Variants in SGIP1 observed in about 807,000 individuals in gnomAD.
The protein encoded by SGIP1 is SH3GL interacting endocytic adaptor 1.
A neutral mutation model predicts 107.5 loss-of-function variants in SGIP1; 38 were observed. The ratio of observed to expected loss-of-function variants is 0.35; its 90% CI spans 0.27 to 0.46. SGIP1 has a LOEUF of 0.46. SGIP1 is among the 20% of genes least tolerant of loss of function. SGIP1 has a pLI of 1.00. For synonymous variants in SGIP1, 365 were observed against 366.1 expected, an observed-to-expected ratio of 1.00 and a Z score of 0.03; for missense variants, 929 against 1,019.5, an observed-to-expected ratio of 0.91 and a Z score of 1.21.
chr1:66,709,593 C>A (rs2092771934), intron 18 of SGIP1, among the ~76,000 whole-genome samples: 1 of 152,142 alleles, frequency 6.6e-6, no homozygotes, highest in African/African-American at 2.4e-5. Flanking sequence ...AGCAAGTACT[C>A]AATAATATTG....
intron 18 of SGIP1, among the ~76,000 whole-genome samples, chr1:66,708,712 CT>C (rs2092698241): frequency 6.6e-6 from 1 of 152,000 alleles, no homozygotes; most frequent in African/African-American, 2.4e-5. Flanking sequence ...AAGAAAAATT[CT>C]CTACAAAACA....
At chr1:66,550,483 A>T (rs906441722) in intron 1 of SGIP1, among the ~76,000 whole-genome samples, 11 of 152,122 alleles carry the variant, frequency 7.2e-5, no homozygotes, top group Non-Finnish European at 1.0e-4. Flanking sequence ...AGATCTCTGG[A>T]TATTGCATAA....
chr1:66,600,615 G>A (rs547625553), intron 1 of SGIP1, among the ~76,000 whole-genome samples: 1 of 152,290 alleles, frequency 6.6e-6, no homozygotes, highest in East Asian at 1.9e-4. Flanking sequence ...TCAGAAACGA[G>A]AGGCTGAAAC....
rs2061176979 is a variant in SGIP1 at position 66,577,128 on chromosome 1, G to A, written c.10+42760G>A. On this transcript the variant is annotated intron_variant, in intron 1 of 24. Transcript: ENST00000371037. ...GTATTTTGCCCCAGATGAAGTGCAGGTTGCTACTGAGACCATCCTTCTCTT... is the reference window on the plus strand; with the variant it reads ...GTATTTTGCCCCAGATGAAGTGCAGATTGCTACTGAGACCATCCTTCTCTT... Among the ~76,000 whole-genome samples the A allele has an allele frequency of 2.6e-5, 4 of 152,186 alleles. No individual in the cohort carries two copies. The South Asian group carries it at 6.2e-4, about 24-fold the overall frequency.
At chr1:66,646,637 G>A (rs1045032897) in intron 7 of SGIP1, among the ~76,000 whole-genome samples, 7 of 152,082 alleles carry the variant, frequency 4.6e-5, no homozygotes, top group African/African-American at 1.7e-4. Flanking sequence ...TCAAATTAAC[G>A]AATGAAATGA....
chr1:66,589,647 T>C (rs1160377455), intron 1 of SGIP1, among the ~76,000 whole-genome samples: 2 of 152,180 alleles, frequency 1.3e-5, no homozygotes, highest in Non-Finnish European at 2.9e-5. Flanking sequence ...TGTTTGTATG[T>C]AATTACCCCC....
intron 1 of SGIP1, among the ~76,000 whole-genome samples, chr1:66,602,878 T>C (rs2149045206): frequency 6.6e-6 from 1 of 152,298 alleles, no homozygotes; most frequent in African/African-American, 2.4e-5. Context: ...AGGAAGAATA[T>C]TTTACATAAA....
intron 8 of SGIP1, among the ~76,000 whole-genome samples, chr1:66,661,498 C>T (rs1046174626): frequency 2.6e-5 from 4 of 152,252 alleles, no homozygotes; most frequent in African/African-American, 7.2e-5. Context: ...AAATATGAGA[C>T]CAAAACATTA....
chr1:66,628,470 A>G (rs1051781006), intron 2 of SGIP1: 7 of 154,936 alleles, frequency 4.5e-5, no homozygotes, highest in Non-Finnish European at 7.3e-5. Flanking sequence ...TACGAGTCAT[A>G]TAAGGGAAGG....
chr1:66,543,865 C>A (rs904550337), intron 1 of SGIP1, among the ~76,000 whole-genome samples: 5 of 152,184 alleles, frequency 3.3e-5, no homozygotes, highest in African/African-American at 1.2e-4. Flanking sequence ...AAATATACAT[C>A]TGAGAGAGTG....
At chr1:66,685,883 G>T (rs954219160) in intron 15 of SGIP1, among the ~76,000 whole-genome samples, 1 of 152,128 alleles carries the variant, frequency 6.6e-6, no homozygotes, top group Admixed American at 6.5e-5. Flanking sequence ...TAATGTTTCA[G>T]GGCTTTTAAT....
intron 1 of SGIP1, 147 bp downstream of exon 1, chr1:66,534,515 T>C: frequency 1.1e-6 from 1 of 889,604 alleles, no homozygotes; most frequent in Non-Finnish European, 1.8e-6. Flanking sequence ...TTGCTTGCAG[T>C]GGATCTGGGC....
intron 7 of SGIP1, among the ~76,000 whole-genome samples, chr1:66,647,581 T>G (rs565418340): frequency 2.6e-5 from 4 of 152,364 alleles, no homozygotes; most frequent in African/African-American, 9.6e-5. Flanking sequence ...TAATCTCAGA[T>G]TATTTCAGAG....
chr1:66,744,929 T>C lies in SGIP1; in HGVS notation c.*1834T>C, dbSNP rs1417041346. The C allele has an allele frequency of 6.6e-6, 1 of 152,314 alleles. No individual in the cohort carries two copies. The highest frequency in any genetic ancestry group is 2.4e-5 in the African/African-American group (1 of 41,394). 9.4% of individuals were successfully genotyped at this position (152,314 alleles called of 1,614,324 possible). A position where few individuals can be genotyped will look rare whatever the true frequency, so the allele number is the denominator to read the frequency against. On this transcript the variant is annotated 3_prime_UTR_variant, in exon 25 of 25. Transcript: ENST00000371037. ...AGAAAATGCAAAATTCTAAATTCCA[T>C]GAAACATGGAATTTATGACACCAAA... is the stretch of plus-strand genomic sequence containing the variant.
chr1:66,719,199 A>G, intron 18 of SGIP1, 95 bp from the exon 19 acceptor site: 1 of 761,690 alleles, frequency 1.3e-6, no homozygotes, highest in Non-Finnish European at 2.1e-6. Flanking sequence ...TAAGGGGTAG[A>G]TTTTATTCCT....
At chr1:66,548,484 A>G (rs1454845572) in intron 1 of SGIP1, among the ~76,000 whole-genome samples, 1 of 152,046 alleles carries the variant, frequency 6.6e-6, no homozygotes, top group African/African-American at 2.4e-5. Context: ...TTTTTCAGAG[A>G]CATGCTGACA....
At chr1:66,574,786 T>A (rs2060831380) in intron 1 of SGIP1, among the ~76,000 whole-genome samples, 1 of 152,164 alleles carries the variant, frequency 6.6e-6, no homozygotes, top group Non-Finnish European at 1.5e-5. Flanking sequence ...GACATTGTAG[T>A]CTGTTGCATG....
intron 1 of SGIP1, among the ~76,000 whole-genome samples, chr1:66,611,184 G>C (rs749828857): frequency 1.3e-5 from 2 of 152,162 alleles, no homozygotes; most frequent in African/African-American, 2.4e-5. Flanking sequence ...ATAAGTGATT[G>C]ATTTTGCTAA....
chr1:66,671,505 C>T (rs1280001895), intron 10 of SGIP1, among the ~76,000 whole-genome samples: 2 of 152,152 alleles, frequency 1.3e-5, no homozygotes, highest in Non-Finnish European at 2.9e-5. Flanking sequence ...ATTCTAAATT[C>T]ATGTTTCATA....
Sources: gnomAD v4.1 joint callset for allele counts (sites outside exome capture counted in the v4.1 genomes callset) on GRCh38, gnomAD v4.1.1 for gene constraint, MANE v1.5 for transcripts, NCBI Gene and HGNC (gene_info 2026-07-23, HGNC 2026-07-21) for gene names.